RAB3C: variants seen among roughly 807,000 people sequenced by gnomAD.
RAB3C encodes the protein RAB3C, member RAS oncogene family.
In RAB3C, 17 loss-of-function variants were observed where a neutral mutation model predicts 26.4. The ratio of observed to expected loss-of-function variants is 0.64; its 90% confidence interval spans 0.44 to 0.97. The LOEUF is 0.97. Among genes scored for constraint, RAB3C ranks in the 50% least tolerant of loss-of-function variants. The probability of loss-of-function intolerance (pLI) is 0.00; values close to 1 mark genes in which losing one functional copy is unlikely to be tolerated. For synonymous variants in RAB3C, 91 were observed against 95.9 expected, an observed-to-expected ratio of 0.95 and a Z score of 0.30; for missense variants, 242 against 281.9, an observed-to-expected ratio of 0.86 and a Z score of 1.01.
intron 2 of RAB3C, among the ~76,000 whole-genome samples, chr5:58,701,907 A>C (rs946854288): frequency 1.3e-5 from 2 of 152,142 alleles, no homozygotes; most frequent in Non-Finnish European, 2.9e-5. Flanking sequence ...AATCATACCT[A>C]TGAAATTCCT....
rs142800314 is a variant in RAB3C, at chr5:58,630,860, G to A, written c.252+12990G>A. 3.9e-5 allele frequency among the ~76,000 whole-genome samples: 6 copies of A among 152,210 alleles called. No homozygotes were observed. The East Asian group carries it at 1.2e-3, about 29-fold the overall frequency. On this transcript the variant is annotated intron_variant, in intron 2 of 4. Coordinates refer to ENST00000282878, the MANE Select transcript of RAB3C (RefSeq NM_138453.4). ...GCAGTGTTGGCATTTATCACAAGGG[G>A]CACTTCTTTATAGAGGTCTGTCTTG...
chr5:58,695,006 A>T (rs1207610253), intron 2 of RAB3C, among the ~76,000 whole-genome samples: 1 of 152,036 alleles, frequency 6.6e-6, no homozygotes, highest in African/African-American at 2.4e-5. Context: ...GTCTTTGCCC[A>T]TGTTTATGTC....
At chr5:58,583,396 C>T (rs1453498671) in intron 1 of RAB3C, 164 bp downstream of exon 1, 1 of 952,402 alleles carries the variant, frequency 1.0e-6, no homozygotes, top group Non-Finnish European at 1.2e-6. Flanking sequence ...TCTTTACGCT[C>T]TGTGTGGCTG....
At chr5:58,780,604 A>C (rs375593647) in intron 3 of RAB3C, among the ~76,000 whole-genome samples, 1 of 152,100 alleles carries the variant, frequency 6.6e-6, no homozygotes. Flanking sequence ...TTGCTTATGC[A>C]CTGGCTCCAG....
intron 3 of RAB3C, among the ~76,000 whole-genome samples, chr5:58,777,998 C>A (rs574662141): frequency 6.6e-6 from 1 of 152,194 alleles, no homozygotes; most frequent in Admixed American, 6.6e-5. Flanking sequence ...GATTTGTAAT[C>A]CCTGAGTCCT....
At chr5:58,616,009 CA>C (rs1746818403) in intron 1 of RAB3C, among the ~76,000 whole-genome samples, 3 of 151,690 alleles carry the variant, frequency 2.0e-5, no homozygotes, top group African/African-American at 7.3e-5. Context: ...CACACACACA[CA>C]CCCCTGACTT....
In RAB3C at chr5:58,703,125, T is replaced by C. The variant is rs552658296; in HGVS notation, c.253-22877T>C. On this transcript the variant is annotated intron_variant, in intron 2 of 4. Coordinates refer to ENST00000282878, the MANE Select transcript of RAB3C (RefSeq NM_138453.4). ...AAATTATACGTGGCAACCAAAATTA[T>C]ATTTGGCAGCCAAATTTGGACTCTC... Among the ~76,000 whole-genome samples the C allele has an allele frequency of 7.2e-5, 11 of 152,354 alleles. No homozygotes were observed. In the East Asian group the frequency reaches 2.1e-3, roughly 29 times the overall value.
chr5:58,672,903 A>G (rs1026472794), intron 2 of RAB3C, among the ~76,000 whole-genome samples: 1 of 152,196 alleles, frequency 6.6e-6, no homozygotes, highest in Admixed American at 6.5e-5. Context: ...AGAATAAACT[A>G]TATATAATGG....
At position 58,673,715 on chromosome 5, in the gene RAB3C, C is replaced by T. The variant is rs57371999; in HGVS notation, c.253-52287C>T. The stretch of plus-strand genomic sequence containing the variant: ...GGTTGGATTTGCTTCTCTTAAATTA[C>T]GTTTCCCAATGAAAAAGGATCAAAT... On this transcript the variant is annotated intron_variant, in intron 2 of 4. Coordinates refer to ENST00000282878, the MANE Select transcript of RAB3C (RefSeq NM_138453.4). Among the ~76,000 whole-genome samples the T allele has an allele frequency of 3.0e-4, 45 of 152,236 alleles. No individual in the cohort carries two copies. The East Asian group carries it at 6.0e-3, about 20-fold the overall frequency.
At chr5:58,802,115 T>C (rs1386803327) in intron 3 of RAB3C, among the ~76,000 whole-genome samples, 2 of 152,232 alleles carry the variant, frequency 1.3e-5, no homozygotes, top group Non-Finnish European at 2.9e-5. Flanking sequence ...TAGAAGTTTT[T>C]TTTAATCTAA....
chr5:58,677,351 ACT>A (rs1413046954), intron 2 of RAB3C, among the ~76,000 whole-genome samples: 1 of 152,038 alleles, frequency 6.6e-6, no homozygotes, highest in Non-Finnish European at 1.5e-5. Flanking sequence ...ATCTATACAC[ACT>A]CTACTAAACA....
chr5:58,778,441 G>A lies in RAB3C; in HGVS notation c.372-46597G>A, dbSNP rs540498858. 4.6e-5 allele frequency among the ~76,000 whole-genome samples: 7 copies of A among 152,202 alleles called. 1 individual carries two copies. In the South Asian group the frequency reaches 1.5e-3, roughly 32 times the overall value. ...GGTTGTTTCTTCCACTTCATCTTAT[G>A]TAGAGTCATGCCCATGCCCAATAAG... is the stretch of plus-strand genomic sequence containing the variant. On this transcript the variant is annotated intron_variant, in intron 3 of 4. Transcript: ENST00000282878.
chr5:58,682,281 C>A (rs1162080968), intron 2 of RAB3C, among the ~76,000 whole-genome samples: 1 of 152,086 alleles, frequency 6.6e-6, no homozygotes, highest in Middle Eastern at 3.2e-3. Flanking sequence ...GCAGTAAGGT[C>A]GACTCTTATT....
chr5:58,772,044 T>C (rs1742040984), intron 3 of RAB3C, among the ~76,000 whole-genome samples: 1 of 152,088 alleles, frequency 6.6e-6, no homozygotes, highest in African/African-American at 2.4e-5. Flanking sequence ...GCTAGGTGGT[T>C]GCACTGGTAA....
chr5:58,695,829 C>T (rs770761865), intron 2 of RAB3C, among the ~76,000 whole-genome samples: 6 of 152,074 alleles, frequency 3.9e-5, no homozygotes, highest in East Asian at 3.9e-4. Context: ...TGGGCTGAGA[C>T]GATGGGGTTT....
At chr5:58,626,059 G>A (rs1279480639) in intron 2 of RAB3C, among the ~76,000 whole-genome samples, 1 of 152,014 alleles carries the variant, frequency 6.6e-6, no homozygotes, top group African/African-American at 2.4e-5. Flanking sequence ...CCAACTTGAC[G>A]CTCAGGATTA....
chr5:58,831,879 T>C (rs1027386176), intron 4 of RAB3C, among the ~76,000 whole-genome samples: 1 of 152,008 alleles, frequency 6.6e-6, no homozygotes, highest in Admixed American at 6.6e-5. Flanking sequence ...TTTCAGTAGG[T>C]TGGGAAGCTT....
In RAB3C at chr5:58,791,124, G is replaced by T. The variant is rs184562897; in HGVS notation, c.372-33914G>T. On this transcript the variant is annotated intron_variant, in intron 3 of 4. Transcript: ENST00000282878. The stretch of plus-strand genomic sequence containing the variant: ...ACTCTCAGTCAAGCCCTTTACCCAT[G>T]GCAGCTTCCACAAATCTCGATTTCT... Among the ~76,000 whole-genome samples, 39 of 151,098 alleles carry T rather than the reference G, an allele frequency of 2.6e-4. No homozygotes were observed. The East Asian group carries it at 7.0e-3, about 27-fold the overall frequency.
In RAB3C at chr5:58,853,411, C is replaced by T. The variant is rs1744158474; in HGVS notation, c.*2060C>T. The T allele has an allele frequency of 6.6e-6, 1 of 152,190 alleles. No homozygotes were observed. Among genetic ancestry groups the T allele is most frequent in the African/African-American group, 2.4e-5 (1 of 41,446 alleles). The allele number at this position is 152,190 out of a possible 1,614,324, so 9.4% of individuals were successfully genotyped here. Reference sequence around the variant, plus strand: ...CCTCCTTCACAGCCCTCATCCCACACATAGATGTAAAAAGCTTAGAAAGAA... The same window carrying T: ...CCTCCTTCACAGCCCTCATCCCACATATAGATGTAAAAAGCTTAGAAAGAA... On this transcript the variant is annotated 3_prime_UTR_variant, in exon 5 of 5. Coordinates refer to ENST00000282878, the MANE Select transcript of RAB3C (RefSeq NM_138453.4).
Sources: allele counts gnomAD v4.1 joint callset (sites outside exome capture counted in the v4.1 genomes callset), GRCh38; gene constraint gnomAD v4.1.1; transcripts MANE v1.5; gene names NCBI Gene and HGNC (gene_info 2026-07-23, HGNC 2026-07-21).